GANC: variants seen among roughly 807,000 people sequenced by gnomAD.
GANC encodes glucosidase alpha, neutral C.
In GANC, 117 loss-of-function variants were observed where a neutral mutation model predicts 124.2. That is an observed-to-expected ratio of 0.94 (90% CI 0.81 to 1.10). The LOEUF (loss-of-function observed/expected upper bound fraction) is 1.10, where lower values mean the gene tolerates loss of function less well. Among genes scored for constraint, GANC ranks in the 50% least tolerant of loss-of-function variants. The pLI is 0.00. For missense variants in GANC, 1,140 were observed against 1,095.0 expected (o/e 1.04, Z -0.58); for synonymous variants, 377 against 376.8 (o/e 1.00, Z -0.01).
chr15:42,297,706 T>C (rs1194652291), intron 6 of GANC, 50 bp downstream of exon 6: 1 of 1,309,622 alleles, frequency 7.6e-7, no homozygotes, highest in African/African-American at 1.5e-5. Context: ...ATCATCATCA[T>C]GATAGGGCAT....
intron 3 of GANC, among the ~76,000 whole-genome samples, chr15:42,286,776 T>G (rs192821438): frequency 1.3e-5 from 2 of 152,216 alleles, no homozygotes; most frequent in African/African-American, 4.8e-5. Context: ...TGCACCACAT[T>G]GTACCCATTC....
chr15:42,305,573 G>C (rs4494504), intron 6 of GANC, among the ~76,000 whole-genome samples: 106,148 of 152,116 alleles, frequency 0.7, 40,759 homozygotes, highest in Non-Finnish European at 0.86. Flanking sequence ...AAATACCATC[G>C]GACCCAGCCA....
At chr15:42,290,532 G>A (rs1208428578) in intron 4 of GANC, among the ~76,000 whole-genome samples, 8 of 152,200 alleles carry the variant, frequency 5.3e-5, no homozygotes. Flanking sequence ...AGCAGGCTGA[G>A]TGCAGTGGTT....
intron 14 of GANC, among the ~76,000 whole-genome samples, chr15:42,329,698 T>G (rs879875425): frequency 7.2e-5 from 11 of 152,238 alleles, no homozygotes; most frequent in Non-Finnish European, 1.3e-4. Flanking sequence ...ACATAAAGCT[T>G]CTGCCTTGAT....
At chr15:42,305,889 A>T (rs1396850062) in intron 6 of GANC, among the ~76,000 whole-genome samples, 1 of 152,032 alleles carries the variant, frequency 6.6e-6, no homozygotes, top group Non-Finnish European at 1.5e-5. Flanking sequence ...TGGGAGTTGA[A>T]CAATGAGAAC....
chr15:42,340,018 GA>G, intron 17 of GANC, 106 bp downstream of exon 17: 2 of 1,394,780 alleles, frequency 1.4e-6, no homozygotes, highest in Non-Finnish European at 1.9e-6. Context: ...GAAAGGTGAA[GA>G]AAAGCTACAT....
At chr15:42,345,460 C>T (rs1347555223) in intron 19 of GANC, among the ~76,000 whole-genome samples, 2 of 152,044 alleles carry the variant, frequency 1.3e-5, no homozygotes, top group Non-Finnish European at 2.9e-5. Flanking sequence ...CTTTTCTGTT[C>T]AGTCTTGTAT....
At chr15:42,335,189 C>T (rs892119503) in intron 15 of GANC, among the ~76,000 whole-genome samples, 4 of 152,020 alleles carry the variant, frequency 2.6e-5, no homozygotes, top group Middle Eastern at 3.2e-3. Flanking sequence ...CCAGTATCCT[C>T]GATGAACATT....
At chr15:42,291,582 T>G (rs1456926719) in intron 4 of GANC, among the ~76,000 whole-genome samples, 1 of 152,152 alleles carries the variant, frequency 6.6e-6, no homozygotes, top group Non-Finnish European at 1.5e-5. Flanking sequence ...AACATCTTCC[T>G]TTTGTGGGCT....
chr15:42,322,916 T>C (rs1777467273), intron 11 of GANC, among the ~76,000 whole-genome samples: 2 of 152,054 alleles, frequency 1.3e-5, no homozygotes, highest in South Asian at 4.1e-4. Context: ...GTGAATAAAG[T>C]CCCTCTCCTT....
intron 4 of GANC, among the ~76,000 whole-genome samples, chr15:42,290,164 C>G (rs574903015): frequency 1.3e-5 from 2 of 152,282 alleles, no homozygotes; most frequent in Non-Finnish European, 2.9e-5. Context: ...ACTTAAATGA[C>G]CACTGGTGGT....
chr15:42,315,057 C>A (rs2052090487), intron 10 of GANC, among the ~76,000 whole-genome samples: 1 of 152,176 alleles, frequency 6.6e-6, no homozygotes, highest in African/African-American at 2.4e-5. Flanking sequence ...AAGGCACGTA[C>A]TCAGTATCTT....
At chr15:42,276,105 C>T (rs1364657373) in intron 1 of GANC, among the ~76,000 whole-genome samples, 1 of 152,150 alleles carries the variant, frequency 6.6e-6, no homozygotes. Context: ...GATCTTTTCC[C>T]ATTACTTTTG....
intron 10 of GANC, chr15:42,314,416 C>T (rs184368081): frequency 3.5e-5 from 13 of 372,832 alleles, no homozygotes; most frequent in South Asian, 1.9e-4. Context: ...CAGCTTTGTG[C>T]GTATAGTGGG....
chr15:42,304,774 C>A (rs1380954264), intron 6 of GANC, among the ~76,000 whole-genome samples: 1 of 152,058 alleles, frequency 6.6e-6, no homozygotes, highest in Non-Finnish European at 1.5e-5. Flanking sequence ...GATATGTAGA[C>A]CAATGGAACA....
At position 42,296,142 on chromosome 15, in the gene GANC, C is replaced by CAA. The variant is rs79173534; in HGVS notation, c.513-1452_513-1451dup. ...GGGCGACAAGAGCAAAACTCTGTCT[C>CAA]AAAAAAAAAAAAAAAAAAGATTGTT... is the stretch of plus-strand genomic sequence containing the variant. On this transcript the variant is annotated intron_variant, in intron 5 of 23. Transcript: ENST00000318010. Among the ~76,000 whole-genome samples the CAA allele has an allele frequency of 5.6e-4, 36 of 64,792 alleles. No individual in the cohort carries two copies. In the East Asian group the frequency reaches 9.2e-3, roughly 17 times the overall value. 42.5% of individuals were successfully genotyped at this position (64,792 alleles called of 152,430 possible).
At chr15:42,277,144 C>T (rs2051679083) in intron 2 of GANC, among the ~76,000 whole-genome samples, 2 of 152,172 alleles carry the variant, frequency 1.3e-5, no homozygotes, top group South Asian at 4.1e-4. Flanking sequence ...AGTGAGATTA[C>T]TGGGTCAAAG....
chr15:42,279,380 G>T (rs2051708984), intron 3 of GANC, among the ~76,000 whole-genome samples: 1 of 152,192 alleles, frequency 6.6e-6, no homozygotes, highest in Non-Finnish European at 1.5e-5. Flanking sequence ...ATGCAGGTGG[G>T]CCAGGGGGAA....
In GANC at chr15:42,310,381, A is replaced by T; in HGVS notation, c.821A>T (p.His274Leu). 1 of 1,614,072 alleles carries T rather than the reference A, an allele frequency of 6.2e-7. No individual in the cohort carries two copies. The highest frequency in any genetic ancestry group is 8.5e-7 in the Non-Finnish European group (1 of 1,179,936). The change falls in exon 9 of 24, where the codon CAC (histidine) becomes CTC (leucine). Residue 274 changes from histidine (H) to leucine (L), a missense_variant. Transcript: ENST00000318010. ...IYGSVPYLLA[H>L]KLGRTIGIFW... is the part of the protein sequence containing the mutation. The stretch of plus-strand genomic sequence containing the variant: ...GGTTCAGTACCTTATCTCCTGGCCC[A>T]CAAACTGGGCAGAACTATAGGTATT...
Sources: allele counts gnomAD v4.1 joint callset (sites outside exome capture counted in the v4.1 genomes callset), GRCh38; gene constraint gnomAD v4.1.1; transcripts MANE v1.5; gene names NCBI Gene and HGNC (gene_info 2026-07-23, HGNC 2026-07-21).